Variants in NTRK3 observed in about 807,000 individuals in gnomAD.
NTRK3 encodes the protein NT-3 growth factor receptor.
Under a neutral mutation model 91.7 loss-of-function variants are expected in NTRK3, and 24 were observed. That is an observed-to-expected ratio of 0.26 (90% CI 0.19 to 0.37). NTRK3 has a LOEUF of 0.37. NTRK3 is among the 10% of genes least tolerant of loss of function. The pLI is 1.00. For synonymous variants in NTRK3, 483 were observed against 404.0 expected (o/e 1.20, Z -2.34); for missense variants, 880 against 1,068.9 (o/e 0.82, Z 2.46).
At chr15:87,948,725 G>C (rs1039376281) in intron 14 of NTRK3, among the ~76,000 whole-genome samples, 11 of 152,124 alleles carry the variant, frequency 7.2e-5, no homozygotes, top group Admixed American at 6.5e-4. Context: ...AAAATGATTA[G>C]TCAAATGGGG....
chr15:88,217,458 T>C (rs1033997771), intron 3 of NTRK3, among the ~76,000 whole-genome samples: 1 of 152,170 alleles, frequency 6.6e-6, no homozygotes, highest in African/African-American at 2.4e-5. Context: ...ACAGTAGAGA[T>C]GAACCTTGAG....
At chr15:88,024,730 G>C (rs549459605) in intron 14 of NTRK3, among the ~76,000 whole-genome samples, 4 of 152,286 alleles carry the variant, frequency 2.6e-5, no homozygotes, top group Non-Finnish European at 5.9e-5. Context: ...TAGGGAAAGA[G>C]AAAGTGTCAA....
In NTRK3 at chr15:87,942,693, C is replaced by T. The variant is rs2142038753; in HGVS notation, c.1586-1940G>A. 3.3e-5 allele frequency among the ~76,000 whole-genome samples: 5 copies of T among 152,262 alleles called. No individual in the cohort carries two copies. In the South Asian group the frequency reaches 1.0e-3, roughly 32 times the overall value. ...CCTGGATCCTCCAAGAGCTTATGCA[C>T]CTCACAGAAAAACAACAACCATGAA... On this transcript the variant is annotated intron_variant, in intron 14 of 18. Transcript: ENST00000394480.
intron 13 of NTRK3, among the ~76,000 whole-genome samples, chr15:88,080,976 G>C (rs1051124090): frequency 1.3e-4 from 20 of 152,256 alleles, no homozygotes; most frequent in Admixed American, 1.0e-3. Context: ...AAGTCTCTGA[G>C]AGTCACCATG....
At position 87,989,175 on chromosome 15, in the gene NTRK3, A is replaced by C. The variant is rs867603289; in HGVS notation, c.1585+43682T>G. Among the ~76,000 whole-genome samples the C allele has an allele frequency of 9.0e-4, 137 of 152,360 alleles. 1 individual carries two copies. The highest frequency in any genetic ancestry group is 3.1e-3 in the African/African-American group (130 of 41,584). On this transcript the variant is annotated intron_variant, in intron 14 of 18. Coordinates refer to ENST00000394480, the Ensembl canonical transcript of NTRK3. ...TGGGTATATACCCAAAGGATTATAAATCATGCTGCTATAAAGACACATGCA... is the reference window on the plus strand; with the variant it reads ...TGGGTATATACCCAAAGGATTATAACTCATGCTGCTATAAAGACACATGCA...
chr15:88,156,060 G>A (rs1239719866), intron 5 of NTRK3, among the ~76,000 whole-genome samples: 4 of 152,126 alleles, frequency 2.6e-5, no homozygotes, highest in Non-Finnish European at 4.4e-5. Context: ...CAGTCAACAG[G>A]TAGAAAACTG....
chr15:88,116,585 T>C (rs1046585048), intron 13 of NTRK3, among the ~76,000 whole-genome samples: 3 of 152,186 alleles, frequency 2.0e-5, no homozygotes, highest in African/African-American at 7.2e-5. Context: ...GTCGCAGGCC[T>C]GAAGTATTTA....
At chr15:88,141,930 T>A (rs1397211526) in intron 6 of NTRK3, among the ~76,000 whole-genome samples, 1 of 152,244 alleles carries the variant, frequency 6.6e-6, no homozygotes, top group Admixed American at 6.5e-5. Flanking sequence ...TGGTCCTTTG[T>A]TCCAACTGAG....
intron 14 of NTRK3, among the ~76,000 whole-genome samples, chr15:87,992,262 T>C (rs910314498): frequency 6.6e-6 from 1 of 152,192 alleles, no homozygotes; most frequent in Non-Finnish European, 1.5e-5. Context: ...ACTCCTTCCC[T>C]ACTCACACTC....
rs561461277 is a variant in NTRK3, at chr15:88,025,877, T to G, written c.1585+6980A>C. ...GTGATAAAAATAAATGAGAATCGCT[T>G]GAACCCGAGAGGTGGAGGCTGCAGT... On this transcript the variant is annotated intron_variant, in intron 14 of 18. Coordinates refer to ENST00000394480, the Ensembl canonical transcript of NTRK3. 1.8e-4 allele frequency among the ~76,000 whole-genome samples: 27 copies of G among 152,320 alleles called. No individual in the cohort carries two copies. In the East Asian group the frequency reaches 4.0e-3, roughly 23 times the overall value.
intron 6 of NTRK3, among the ~76,000 whole-genome samples, chr15:88,139,896 T>C (rs2042219732): frequency 8.7e-6 from 1 of 115,422 alleles, no homozygotes; most frequent in South Asian, 3.0e-4. Context: ...CAGGAGCTCA[T>C]ATAGGCAAAG....
At chr15:87,920,972 T>A (rs1236066759) in intron 17 of NTRK3, among the ~76,000 whole-genome samples, 2 of 152,206 alleles carry the variant, frequency 1.3e-5, no homozygotes, top group Non-Finnish European at 2.9e-5. Flanking sequence ...GTTTAGTTAA[T>A]AATTTGTGTC....
chr15:88,109,436 A>G (rs2051081748), intron 13 of NTRK3, among the ~76,000 whole-genome samples: 1 of 152,230 alleles, frequency 6.6e-6, no homozygotes, highest in Non-Finnish European at 1.5e-5. Flanking sequence ...TGAAGCTCCT[A>G]AAAGAAGCAG....
rs1232234650 is a variant in NTRK3, at chr15:88,171,144, C to T, written c.395+12274G>A. Among the ~76,000 whole-genome samples the T allele has an allele frequency of 3.3e-5, 5 of 152,314 alleles. No homozygotes were observed. The East Asian group carries it at 9.6e-4, about 29-fold the overall frequency. ...GCTGTCGGAGGAAGGGAGAGGGACT[C>T]AGGGCTGAAGTGGGCTGCAATGGAG... On this transcript the variant is annotated intron_variant, in intron 5 of 18. Coordinates refer to ENST00000394480, the Ensembl canonical transcript of NTRK3.
intron 14 of NTRK3, chr15:87,979,495 A>G (rs1221168094): frequency 1.3e-6 from 2 of 1,509,240 alleles, no homozygotes; most frequent in Non-Finnish European, 1.8e-6. Context: ...AAAAACAGAA[A>G]AAAGCAAAAT....
chr15:87,979,422 G>T (rs1156918998), intron 14 of NTRK3: 1 of 1,613,566 alleles, frequency 6.2e-7, no homozygotes, highest in Admixed American at 1.7e-5. Context: ...GGCTTGGAAT[G>T]TCCGGGAAGG....
At chr15:87,860,022 G>A (rs1407375487) in exon 19 of NTRK3, 1 of 198,116 alleles carries the variant, frequency 5.0e-6, no homozygotes, top group African/African-American at 2.3e-5. Flanking sequence ...ACATATATAT[G>A]TATAAAATGT....
At chr15:88,121,947 A>G (rs1049958497) in intron 13 of NTRK3, among the ~76,000 whole-genome samples, 3 of 152,222 alleles carry the variant, frequency 2.0e-5, no homozygotes, top group South Asian at 2.1e-4. Context: ...ATTTTGATCA[A>G]CATGGCAGTT....
At chr15:87,879,297 C>G (rs1007154365) in intron 18 of NTRK3, among the ~76,000 whole-genome samples, 1 of 152,038 alleles carries the variant, frequency 6.6e-6, no homozygotes, top group Non-Finnish European at 1.5e-5. Context: ...AACAGAAGAC[C>G]ATAAAAAGAA....
Sources: gnomAD v4.1 joint callset for allele counts (sites outside exome capture counted in the v4.1 genomes callset) on GRCh38, gnomAD v4.1.1 for gene constraint, MANE v1.5 for transcripts, NCBI Gene and HGNC (gene_info 2026-07-23, HGNC 2026-07-21) for gene names.